Variants in NELL1 observed in about 807,000 individuals in gnomAD.
NELL1 encodes the protein neural EGFL like 1, also known as protein kinase C-binding protein NELL1.
Under a neutral mutation model 107.4 loss-of-function variants are expected in NELL1, and 76 were observed. That is an observed-to-expected ratio of 0.71 (90% CI 0.59 to 0.86). The LOEUF is 0.86. NELL1 is among the 40% of genes least tolerant of loss of function. The pLI is 0.00. For missense variants in NELL1, 1,024 were observed against 1,005.5 expected (o/e 1.02, Z -0.25); for synonymous variants, 353 against 341.2 (o/e 1.03, Z -0.38).
At chr11:20,967,828 C>T (rs1428141794) in intron 12 of NELL1, among the ~76,000 whole-genome samples, 1 of 152,168 alleles carries the variant, frequency 6.6e-6, no homozygotes, top group African/African-American at 2.4e-5. Flanking sequence ...GCTCCCATGC[C>T]TCTTAGAATA....
At chr11:21,568,535 C>G (rs906702373) in intron 17 of NELL1, among the ~76,000 whole-genome samples, 15 of 150,754 alleles carry the variant, frequency 9.9e-5, no homozygotes, top group African/African-American at 3.7e-4. Flanking sequence ...CTTTTTGACT[C>G]TTGTGTAATA....
chr11:21,054,975 C>A (rs1400923866), intron 12 of NELL1, among the ~76,000 whole-genome samples: 1 of 151,980 alleles, frequency 6.6e-6, no homozygotes, highest in Non-Finnish European at 1.5e-5. Flanking sequence ...CACTGGTAGA[C>A]TATTTTTAAT....
chr11:20,968,609 A>G (rs1851432850), intron 12 of NELL1, among the ~76,000 whole-genome samples: 1 of 152,208 alleles, frequency 6.6e-6, no homozygotes, highest in African/African-American at 2.4e-5. Context: ...ACATGACAAG[A>G]GGGTAGCTGT....
intron 13 of NELL1, among the ~76,000 whole-genome samples, chr11:21,198,385 C>T (rs1354923723): frequency 6.6e-6 from 1 of 152,158 alleles, no homozygotes; most frequent in East Asian, 1.9e-4. Context: ...TTAGATTTGA[C>T]CCCTTGATGA....
In NELL1 at chr11:21,489,661, T is replaced by C. The variant is rs74478275; in HGVS notation, c.1646-44713T>C. ...TTCAACATATGCAAATCAATAAACATGTTACATCACATCAGCAGAATGAAG... is the reference window on the plus strand; with the variant it reads ...TTCAACATATGCAAATCAATAAACACGTTACATCACATCAGCAGAATGAAG... On this transcript the variant is annotated intron_variant, in intron 15 of 19. Coordinates refer to ENST00000357134, the MANE Select transcript of NELL1 (RefSeq NM_006157.5). Among the ~76,000 whole-genome samples, 3,230 of 152,140 alleles carry C rather than the reference T, an allele frequency of 0.021. 295 individuals carry two copies. In the East Asian group the frequency reaches 0.29, roughly 14 times the overall value.
At chr11:21,096,484 AC>A (rs576859471) in intron 12 of NELL1, among the ~76,000 whole-genome samples, 7 of 151,466 alleles carry the variant, frequency 4.6e-5, no homozygotes, top group Non-Finnish European at 7.4e-5. Context: ...CTCATACAAA[AC>A]CCTTTCTCTT....
At chr11:21,069,387 T>C (rs937269684) in intron 12 of NELL1, among the ~76,000 whole-genome samples, 8 of 152,202 alleles carry the variant, frequency 5.3e-5, no homozygotes, top group African/African-American at 1.9e-4. Context: ...TATCATCCAT[T>C]TACAGTGAGA....
At chr11:21,228,695 T>G (rs1590752468) in intron 13 of NELL1, among the ~76,000 whole-genome samples, 1 of 6,000 alleles carries the variant, frequency 1.7e-4, no homozygotes, top group Non-Finnish European at 3.5e-4. Context: ...TCCCCTCCCC[T>G]CTCCTTCCCT....
chr11:21,265,799 T>C lies in NELL1; in HGVS notation c.1549+36345T>C, dbSNP rs570680855. Among the ~76,000 whole-genome samples the C allele has an allele frequency of 2.0e-5, 3 of 152,196 alleles. No homozygotes were observed. In the East Asian group the frequency reaches 5.8e-4, roughly 29 times the overall value. ...TTTCCTTTTTAAGGTAGTATCTTTC[T>C]GAGCCTTGTATTTTTATTTCAGAAA... On this transcript the variant is annotated intron_variant, in intron 14 of 19. Coordinates refer to ENST00000357134, the MANE Select transcript of NELL1 (RefSeq NM_006157.5).
chr11:21,296,339 T>TTA (rs1222837109), intron 14 of NELL1, among the ~76,000 whole-genome samples: 1 of 151,962 alleles, frequency 6.6e-6, no homozygotes. Context: ...TAATTAGTTA[T>TTA]TATTCCTGGG....
chr11:20,859,725 G>A (rs1293529408), intron 4 of NELL1, among the ~76,000 whole-genome samples: 2 of 152,106 alleles, frequency 1.3e-5, no homozygotes, highest in African/African-American at 4.8e-5. Flanking sequence ...CATTTAGGAG[G>A]GCATTTGTCG....
chr11:21,562,653 C>CAA (rs1856878134), intron 17 of NELL1, among the ~76,000 whole-genome samples: 1 of 151,990 alleles, frequency 6.6e-6, no homozygotes, highest in African/African-American at 2.4e-5. Flanking sequence ...CTTACACATC[C>CAA]AAATGGGTGA....
rs550037903 is a variant in NELL1, at chr11:20,790,549, T to G, written c.335+6719T>G. ...ATGCGTGGGCCCACAGCTGCAGCTG[T>G]GAAGGGAAGGGTTGGGGCTCTTGCC... On this transcript the variant is annotated intron_variant, in intron 3 of 19. Coordinates refer to ENST00000357134, the MANE Select transcript of NELL1 (RefSeq NM_006157.5). Among the ~76,000 whole-genome samples the G allele has an allele frequency of 2.0e-5, 3 of 152,156 alleles. No homozygotes were observed. In the South Asian group the frequency reaches 6.2e-4, roughly 32 times the overall value.
At chr11:20,927,517 T>G in intron 8 of NELL1, 75 bp downstream of exon 8, 1 of 1,386,288 alleles carries the variant, frequency 7.2e-7, no homozygotes, top group Non-Finnish European at 9.9e-7. Flanking sequence ...TGTAACCTGG[T>G]TCTTTAATAA....
intron 15 of NELL1, among the ~76,000 whole-genome samples, chr11:21,490,868 CA>C (rs1854788723): frequency 6.6e-6 from 1 of 151,754 alleles, no homozygotes; most frequent in Non-Finnish European, 1.5e-5. Context: ...ATAAGGAAAA[CA>C]CATCAAAATG....
chr11:21,237,516 A>G (rs369719802), intron 14 of NELL1, among the ~76,000 whole-genome samples: 1 of 152,144 alleles, frequency 6.6e-6, no homozygotes, highest in East Asian at 1.9e-4. Context: ...TAGAATGCCC[A>G]CGTGTAATAT....
At chr11:21,361,668 C>A (rs931539995) in intron 14 of NELL1, among the ~76,000 whole-genome samples, 1 of 152,106 alleles carries the variant, frequency 6.6e-6, no homozygotes, top group African/African-American at 2.4e-5. Context: ...TTCTTGGAGG[C>A]TTTGTTCATG....
At chr11:21,256,470 C>A (rs1488253525) in intron 14 of NELL1, among the ~76,000 whole-genome samples, 1 of 152,032 alleles carries the variant, frequency 6.6e-6, no homozygotes, top group Non-Finnish European at 1.5e-5. Flanking sequence ...CTAGCACTGG[C>A]ATTTTTCTTT....
chr11:21,213,911 G>A lies in NELL1; in HGVS notation c.1427-15421G>A, dbSNP rs544072173. Among the ~76,000 whole-genome samples, 3 of 152,214 alleles carry A rather than the reference G, an allele frequency of 2.0e-5. No individual in the cohort carries two copies. The South Asian group carries it at 6.2e-4, about 32-fold the overall frequency. ...TAGGAGAATATCTTTGGAACCTAAG[G>A]TTAGAGAAGAGTTCTTGGACATTAC... On this transcript the variant is annotated intron_variant, in intron 13 of 19. Transcript: ENST00000357134.
Sources: allele counts gnomAD v4.1 joint callset (sites outside exome capture counted in the v4.1 genomes callset), GRCh38; gene constraint gnomAD v4.1.1; transcripts MANE v1.5; gene names NCBI Gene and HGNC (gene_info 2026-07-23, HGNC 2026-07-21).